The following SND1 variants were observed in gnomAD, a reference collection of about 807,000 sequenced individuals.
SND1 encodes staphylococcal nuclease and tudor domain containing 1, also known as staphylococcal nuclease domain-containing protein 1.
In SND1, 38 loss-of-function variants were observed where a neutral mutation model predicts 121.7. The observed-to-expected ratio is 0.31, with a 90% CI of 0.24 to 0.41. The LOEUF is 0.41. Among genes scored for constraint, SND1 ranks in the 10% least tolerant of loss-of-function variants. SND1 has a pLI of 1.00. For missense variants in SND1, 868 were observed against 1,184.6 expected (o/e 0.73, Z 3.92); for synonymous variants, 401 against 447.4 (o/e 0.90, Z 1.31).
At chr7:127,721,241 T>TG in intron 9 of SND1, 46 bp from the exon 10 acceptor site, 1 of 1,337,868 alleles carries the variant, frequency 7.5e-7, no homozygotes, top group Non-Finnish European at 1.1e-6. Context: ...GGACATGTGA[T>TG]GGGGGCCATA....
intron 10 of SND1, among the ~76,000 whole-genome samples, chr7:127,786,590 A>G (rs1797815990): frequency 1.3e-5 from 2 of 151,946 alleles, no homozygotes; most frequent in African/African-American, 4.8e-5. Context: ...CCCTTTTGCT[A>G]TAGATTTCTT....
chr7:128,021,979 G>A (rs1803358804), intron 16 of SND1, among the ~76,000 whole-genome samples: 2 of 152,092 alleles, frequency 1.3e-5, no homozygotes, highest in African/African-American at 4.8e-5. Flanking sequence ...CAAGGTGGGC[G>A]GATTGCCTGA....
At chr7:127,655,153 C>A (rs1325868758) in intron 1 of SND1, among the ~76,000 whole-genome samples, 7 of 152,202 alleles carry the variant, frequency 4.6e-5, no homozygotes, top group Admixed American at 4.6e-4. Flanking sequence ...AGCTGAAGGT[C>A]TGAAATCGTC....
At chr7:127,808,254 C>T (rs1379254377) in intron 11 of SND1, among the ~76,000 whole-genome samples, 4 of 151,680 alleles carry the variant, frequency 2.6e-5, no homozygotes, top group Non-Finnish European at 5.9e-5. Context: ...CCTCTGCACC[C>T]TGAGTTCAAG....
At chr7:128,073,193 C>G (rs982369547) in intron 16 of SND1, among the ~76,000 whole-genome samples, 2 of 152,222 alleles carry the variant, frequency 1.3e-5, no homozygotes, top group Non-Finnish European at 2.9e-5. Flanking sequence ...GCTCTCAGCT[C>G]TGTCCCTTAA....
At chr7:127,888,099 T>G (rs1046769928) in intron 13 of SND1, 87 bp downstream of exon 13, 1 of 739,406 alleles carries the variant, frequency 1.4e-6, no homozygotes, top group African/African-American at 1.8e-5. Context: ...GAGCAGAATG[T>G]GTTGGAAAAT....
At chr7:127,715,076 A>G (rs1044207320) in intron 9 of SND1, among the ~76,000 whole-genome samples, 2 of 151,904 alleles carry the variant, frequency 1.3e-5, no homozygotes, top group Non-Finnish European at 2.9e-5. Context: ...GAATTACTAT[A>G]TTGTACCATT....
At chr7:127,975,424 CGTGT>C (rs66757341) in intron 15 of SND1, among the ~76,000 whole-genome samples, 8,662 of 147,458 alleles carry the variant, frequency 0.059, 587 homozygotes, top group African/African-American at 0.16. Context: ...TGACTCCCCT[CGTGT>C]GTGTGTGTGT....
chr7:127,929,116 TC>T, intron 14 of SND1, 71 bp from the exon 15 acceptor site: 4 of 1,520,006 alleles, frequency 2.6e-6, no homozygotes, highest in Non-Finnish European at 3.6e-6. Context: ...AAACTTTTTG[TC>T]CTAGACTATA....
chr7:127,835,218 T>C (rs1008552155), intron 11 of SND1, among the ~76,000 whole-genome samples: 3 of 152,182 alleles, frequency 2.0e-5, no homozygotes, highest in African/African-American at 7.2e-5. Flanking sequence ...CATATTCTTG[T>C]TCCTCTCATC....
chr7:128,078,152 A>G (rs1450654485), intron 17 of SND1, among the ~76,000 whole-genome samples: 1 of 152,294 alleles, frequency 6.6e-6, no homozygotes, highest in East Asian at 1.9e-4. Flanking sequence ...TGTTCTAAGG[A>G]TGGGGACAAG....
intron 15 of SND1, among the ~76,000 whole-genome samples, chr7:127,957,143 G>A (rs1275095898): frequency 1.3e-5 from 2 of 152,224 alleles, no homozygotes; most frequent in East Asian, 3.8e-4. Flanking sequence ...AGGTCCCCAA[G>A]AAGATAGGTC....
chr7:127,948,982 C>T (rs1375461925), intron 15 of SND1: 1 of 152,358 alleles, frequency 6.6e-6, no homozygotes, highest in East Asian at 1.9e-4. Context: ...CTGTTTCGCC[C>T]ACTTCACACA....
At chr7:128,042,024 G>T (rs1444465707) in intron 16 of SND1, among the ~76,000 whole-genome samples, 2 of 152,102 alleles carry the variant, frequency 1.3e-5, no homozygotes, top group Non-Finnish European at 2.9e-5. Context: ...GGATCTGAGG[G>T]GTCTCCTACC....
chr7:127,867,450 T>C (rs889042263), intron 12 of SND1, among the ~76,000 whole-genome samples: 7 of 152,210 alleles, frequency 4.6e-5, no homozygotes, highest in Non-Finnish European at 2.9e-5. Flanking sequence ...GTGATGCTGC[T>C]GACTTCCCTT....
chr7:127,883,247 A>G (rs1301230637), intron 12 of SND1, among the ~76,000 whole-genome samples: 3 of 152,126 alleles, frequency 2.0e-5, no homozygotes, highest in African/African-American at 4.8e-5. Context: ...GTGGGGTCCA[A>G]TATTATGCCA....
At chr7:127,916,063 T>TAGAG (rs35469272) in intron 14 of SND1, among the ~76,000 whole-genome samples, 3 of 150,508 alleles carry the variant, frequency 2.0e-5, no homozygotes, top group Admixed American at 6.6e-5. Flanking sequence ...CATATATATA[T>TAGAG]AGAGAGAGAG....
intron 10 of SND1, among the ~76,000 whole-genome samples, chr7:127,741,619 C>T (rs1189858714): frequency 1.3e-5 from 2 of 152,134 alleles, no homozygotes; most frequent in Non-Finnish European, 2.9e-5. Context: ...CTTTCTCCTC[C>T]TTCCTCACTC....
chr7:127,899,832 G>T (rs1055174021), intron 13 of SND1, among the ~76,000 whole-genome samples: 15 of 152,092 alleles, frequency 9.9e-5, no homozygotes, highest in African/African-American at 3.4e-4. Context: ...GTTCCAAAAG[G>T]GCCAAGTGAG....
Sources: gnomAD v4.1 joint callset for allele counts (sites outside exome capture counted in the v4.1 genomes callset) on GRCh38, gnomAD v4.1.1 for gene constraint, MANE v1.5 for transcripts, NCBI Gene and HGNC (gene_info 2026-07-23, HGNC 2026-07-21) for gene names.